The following NPFFR2 variants were observed in gnomAD, a reference collection of about 807,000 sequenced individuals.
NPFFR2 encodes neuropeptide FF receptor 2.
NPFFR2 carries 15 observed loss-of-function variants against 13.1 expected under a neutral mutation model. That is an observed-to-expected ratio of 1.15 (90% confidence interval 0.77 to 1.76). The LOEUF is 1.76. Among genes scored for constraint, NPFFR2 ranks in the 40% most tolerant of loss-of-function variants. The probability of loss-of-function intolerance (pLI) is 0.00; values close to 1 mark genes in which losing one functional copy is unlikely to be tolerated. For synonymous variants in NPFFR2, 190 were observed against 175.7 expected (o/e 1.08, Z -0.65); for missense variants, 572 against 503.5 (o/e 1.14, Z -1.30).
chr4:72,087,844 G>A (rs1486753864), intron 1 of NPFFR2, among the ~76,000 whole-genome samples: 2 of 151,994 alleles, frequency 1.3e-5, no homozygotes, highest in African/African-American at 4.8e-5. Flanking sequence ...TTTCATGGTA[G>A]CAATGACAGA....
chr4:72,115,879 T>A (rs1721699463), intron 1 of NPFFR2, among the ~76,000 whole-genome samples: 1 of 152,176 alleles, frequency 6.6e-6, no homozygotes, highest in African/African-American at 2.4e-5. Flanking sequence ...ATTAAAGTGG[T>A]TCTCACTTTC....
chr4:72,032,016 C>G lies in NPFFR2; in HGVS notation c.-192C>G, dbSNP rs1052593512. 1.4e-5 allele frequency: 22 copies of G among 1,613,616 alleles called. No homozygotes were observed. The highest frequency in any genetic ancestry group is 1.8e-5 in the Non-Finnish European group (21 of 1,179,862). The stretch of plus-strand genomic sequence containing the variant: ...GCGCAGAGCACTCAGCGTCCAGCAG[C>G]GCGGCGGGCCAGCCTGGAGCGGAAG... On this transcript the variant is annotated 5_prime_UTR_variant, in exon 1 of 4. Transcript: ENST00000308744.
At chr4:72,035,461 A>C (rs1269987183) in intron 1 of NPFFR2, among the ~76,000 whole-genome samples, 1 of 151,882 alleles carries the variant, frequency 6.6e-6, no homozygotes, top group Non-Finnish European at 1.5e-5. Flanking sequence ...CCTCAAGCAT[A>C]GTATGAATGC....
intron 1 of NPFFR2, among the ~76,000 whole-genome samples, chr4:72,109,872 G>A (rs1480443257): frequency 1.3e-5 from 2 of 152,096 alleles, no homozygotes; most frequent in African/African-American, 2.4e-5. Flanking sequence ...GTGTATTGCC[G>A]TTGTTTTCCA....
rs1347757962 is a variant in NPFFR2 at position 72,147,661 on chromosome 4, T to A, written c.1112T>A (p.Val371Glu). The change falls in exon 4 of 4, where the codon GTG becomes GAG. Residue 371 changes from valine (V) to glutamate (E), a missense_variant. Val to Glu is a moderately radical substitution (Grantham distance 121). Transcript: ENST00000308744. ...TATGCCCTAAAAGCTAAAAGCCATG[T>A]GCTCATAAACACATCTAATCAGCTT... is the stretch of plus-strand genomic sequence containing the variant. ...EAYALKAKSH[V>E]LINTSNQLVQ... The A allele has an allele frequency of 6.2e-7, 1 of 1,614,180 alleles. No homozygotes were observed.
intron 1 of NPFFR2, among the ~76,000 whole-genome samples, chr4:72,117,149 G>A (rs1379253667): frequency 1.3e-5 from 2 of 152,084 alleles, no homozygotes; most frequent in East Asian, 3.9e-4. Flanking sequence ...TGTAAGCCAG[G>A]CTCCCTCCTC....
chr4:72,096,492 G>A (rs1411579188), intron 1 of NPFFR2, among the ~76,000 whole-genome samples: 1 of 152,096 alleles, frequency 6.6e-6, no homozygotes, highest in Non-Finnish European at 1.5e-5. Flanking sequence ...CATTTTTAAT[G>A]TGCAGTTTTG....
chr4:72,103,648 A>C (rs1721323803), intron 1 of NPFFR2, among the ~76,000 whole-genome samples: 1 of 151,924 alleles, frequency 6.6e-6, no homozygotes, highest in South Asian at 2.1e-4. Flanking sequence ...GTATATCATC[A>C]AAAAAAATCT....
chr4:72,127,291 T>G (rs1449183542), intron 1 of NPFFR2, among the ~76,000 whole-genome samples: 3 of 63,992 alleles, frequency 4.7e-5, no homozygotes, highest in Admixed American at 2.8e-4. Context: ...GTGACAGAGC[T>G]AGACTCCATC....
chr4:72,099,480 A>T (rs1578454271), intron 1 of NPFFR2, among the ~76,000 whole-genome samples: 1 of 152,152 alleles, frequency 6.6e-6, no homozygotes, highest in Non-Finnish European at 1.5e-5. Flanking sequence ...TTGCACTGGC[A>T]TCTGCTTGGC....
At position 72,054,781 on chromosome 4, in the gene NPFFR2, C is replaced by A. The variant is rs370633546; in HGVS notation, c.-8+22581C>A. 6.6e-5 allele frequency among the ~76,000 whole-genome samples: 10 copies of A among 151,884 alleles called. No individual in the cohort carries two copies. The East Asian group carries it at 9.7e-4, about 15-fold the overall frequency. ...CAGAAGATATAAACAATTCTTATAACTCAATGAGAATACAAAGAACCTTCA... is the reference window on the plus strand; with the variant it reads ...CAGAAGATATAAACAATTCTTATAAATCAATGAGAATACAAAGAACCTTCA... On this transcript the variant is annotated intron_variant, in intron 1 of 3. Transcript: ENST00000308744.
intron 2 of NPFFR2, among the ~76,000 whole-genome samples, chr4:72,136,683 G>A (rs1469910493): frequency 6.6e-6 from 1 of 152,092 alleles, no homozygotes; most frequent in Non-Finnish European, 1.5e-5. Context: ...GCAGTGCAGC[G>A]GTATACTTTC....
intron 1 of NPFFR2, among the ~76,000 whole-genome samples, chr4:72,048,363 C>G (rs1719439162): frequency 6.6e-6 from 1 of 152,026 alleles, no homozygotes; most frequent in Non-Finnish European, 1.5e-5. Flanking sequence ...TTTATATTTT[C>G]TATGTTTTCC....
At chr4:72,080,310 G>A (rs953153107) in intron 1 of NPFFR2, among the ~76,000 whole-genome samples, 1 of 151,952 alleles carries the variant, frequency 6.6e-6, no homozygotes, top group African/African-American at 2.4e-5. Context: ...GATTAGAGGT[G>A]CTCACCACTG....
intron 1 of NPFFR2, among the ~76,000 whole-genome samples, chr4:72,045,005 A>G (rs1035449142): frequency 3.9e-5 from 6 of 151,968 alleles, no homozygotes; most frequent in Admixed American, 1.3e-4. Context: ...ATTTTTTTCT[A>G]GTAATTTTAT....
At chr4:72,131,099 G>T (rs977647637) in intron 2 of NPFFR2, among the ~76,000 whole-genome samples, 1 of 151,698 alleles carries the variant, frequency 6.6e-6, no homozygotes, top group Non-Finnish European at 1.5e-5. Flanking sequence ...CTTCTCTGCC[G>T]CACCACTCTG....
Position 72,065,765 on chromosome 4 carries a change from C to G in NPFFR2, c.-8+33565C>G, listed in dbSNP as rs1297194476. ...GAGTGCTGTAATAATTACATTAAGA[C>G]TAGCAGCAGGGTACAGGAACTATCC... On this transcript the variant is annotated intron_variant, in intron 1 of 3. Transcript: ENST00000308744. Among the ~76,000 whole-genome samples the G allele has an allele frequency of 3.3e-5, 5 of 152,120 alleles. No homozygotes were observed. In the South Asian group the frequency reaches 6.2e-4, roughly 19 times the overall value.
intron 1 of NPFFR2, among the ~76,000 whole-genome samples, chr4:72,114,982 G>A (rs986923502): frequency 1.3e-5 from 2 of 152,162 alleles, no homozygotes; most frequent in Non-Finnish European, 2.9e-5. Context: ...AGAGGATTAA[G>A]TGAATTAATA....
chr4:72,048,714 G>GT lies in NPFFR2; in HGVS notation c.-8+16515dup, dbSNP rs1385326749. ...TTTTTTTTAATGATACTTTGGTAAT[G>GT]TGGTCAAAATGTGAAATAACTTATC... On this transcript the variant is annotated intron_variant, in intron 1 of 3. Transcript: ENST00000308744. Among the ~76,000 whole-genome samples, 16 of 146,394 alleles carry GT rather than the reference G, an allele frequency of 1.1e-4. No homozygotes were observed. The East Asian group carries it at 3.2e-3, about 29-fold the overall frequency.
Sources: allele counts gnomAD v4.1 joint callset (sites outside exome capture counted in the v4.1 genomes callset), GRCh38; gene constraint gnomAD v4.1.1; transcripts MANE v1.5; gene names NCBI Gene and HGNC (gene_info 2026-07-23, HGNC 2026-07-21).